XXYLT1: variants seen among roughly 807,000 people sequenced by gnomAD.
XXYLT1 encodes xyloside xylosyltransferase 1.
In XXYLT1, 20 loss-of-function variants were observed where a neutral mutation model predicts 28.9. The observed-to-expected ratio is 0.69, with a 90% CI of 0.49 to 1.00. XXYLT1 has a LOEUF of 1.00. Ranked by LOEUF, XXYLT1 falls within the 50% of genes least tolerant of loss-of-function variation. The probability of loss-of-function intolerance (pLI) is 0.00; values close to 1 mark genes in which losing one functional copy is unlikely to be tolerated. For synonymous variants in XXYLT1, 257 were observed against 253.8 expected (o/e 1.01, Z -0.12); for missense variants, 542 against 560.1 (o/e 0.97, Z 0.33).
At position 195,078,748 on chromosome 3, in the gene XXYLT1, A is replaced by G. The variant is rs1027080742; in HGVS notation, c.786-8637T>C. ...CCCAGGGCTGCACACAGCCCCCCAC[A>G]CTTCCAGAGCTGTCCTCCCCACCTC... On this transcript the variant is annotated intron_variant, in intron 3 of 3. Coordinates refer to ENST00000310380, the MANE Select transcript of XXYLT1 (RefSeq NM_152531.5). The surrounding 1 kb of genome is among the most constrained non-coding windows in gnomAD (Gnocchi z 5.0). 6.6e-6 allele frequency among the ~76,000 whole-genome samples: 1 copy of G among 151,714 alleles called. No individual in the cohort carries two copies. The highest frequency in any genetic ancestry group is 6.6e-5 in the Admixed American group (1 of 15,228).
At chr3:195,235,432 ATTTC>A (rs1724493820) in intron 1 of XXYLT1, among the ~76,000 whole-genome samples, 1 of 152,120 alleles carries the variant, frequency 6.6e-6, no homozygotes. Context: ...GCTATCTTGA[ATTTC>A]TTTGAGTTTC....
At position 195,210,922 on chromosome 3, in the gene XXYLT1, C is replaced by T. The variant is rs1417864426; in HGVS notation, c.652+15787G>A. Among the ~76,000 whole-genome samples the T allele has an allele frequency of 6.6e-6, 1 of 152,174 alleles. No individual in the cohort carries two copies. Among genetic ancestry groups the T allele is most frequent in the African/African-American group, 2.4e-5 (1 of 41,436 alleles). On this transcript the variant is annotated intron_variant, in intron 2 of 3. Coordinates refer to ENST00000310380, the MANE Select transcript of XXYLT1 (RefSeq NM_152531.5). This position sits in a 1 kb window ranked among gnomAD's most constrained non-coding sequence, Gnocchi z 4.8. ...CCAGCTGAACGCTGACAGTCAAGGG[C>T]AGCACCCGCCACAGCAGGAATCAGA...
intron 3 of XXYLT1, among the ~76,000 whole-genome samples, chr3:195,155,806 T>C (rs982969081): frequency 3.3e-5 from 5 of 152,250 alleles, no homozygotes; most frequent in African/African-American, 9.6e-5. Context: ...TGTTGCTGTA[T>C]AGCACTCAAC....
Position 195,172,989 on chromosome 3 carries a change from G to A in XXYLT1, c.653-16408C>T, listed in dbSNP as rs377103695. 9.2e-5 allele frequency among the ~76,000 whole-genome samples: 14 copies of A among 152,284 alleles called. 1 individual carries two copies. Among genetic ancestry groups the A allele is most frequent in the South Asian group, 8.3e-4 (4 of 4,826 alleles). ...GAGAGCTAGGTGGACACACCTGATC[G>A]GGTGAGGGGCTTTAGGCATTAGAGA... On this transcript the variant is annotated intron_variant, in intron 2 of 3. Coordinates refer to ENST00000310380, the MANE Select transcript of XXYLT1 (RefSeq NM_152531.5).
intron 1 of XXYLT1, among the ~76,000 whole-genome samples, chr3:195,245,799 G>A (rs542593574): frequency 6.6e-6 from 1 of 152,252 alleles, no homozygotes; most frequent in South Asian, 2.1e-4. Flanking sequence ...GTAGAAAGAA[G>A]TGTGTGGCAC....
chr3:195,269,271 G>A (rs907015810), intron 1 of XXYLT1, among the ~76,000 whole-genome samples: 8 of 152,246 alleles, frequency 5.3e-5, no homozygotes, highest in African/African-American at 9.6e-5. Context: ...GTTTTCTACC[G>A]TGAACTAGTG....
At chr3:195,213,015 G>C (rs1217771306) in intron 2 of XXYLT1, among the ~76,000 whole-genome samples, 1 of 152,134 alleles carries the variant, frequency 6.6e-6, no homozygotes, top group Non-Finnish European at 1.5e-5. Flanking sequence ...TCCACGGAAA[G>C]TCCTCCCAAT....
intron 3 of XXYLT1, among the ~76,000 whole-genome samples, chr3:195,151,490 A>G (rs968393006): frequency 2.0e-5 from 3 of 152,186 alleles, no homozygotes; most frequent in Non-Finnish European, 4.4e-5. Flanking sequence ...AGGTTGTGCC[A>G]CTGCACTCCA....
rs1046278979 is a variant in XXYLT1 at position 195,176,580 on chromosome 3, C to T, written c.653-19999G>A. Among the ~76,000 whole-genome samples, 1 of 152,284 alleles carries T rather than the reference C, an allele frequency of 6.6e-6. No individual in the cohort carries two copies. Among genetic ancestry groups the T allele is most frequent in the East Asian group, 1.9e-4 (1 of 5,194 alleles). On this transcript the variant is annotated intron_variant, in intron 2 of 3. Transcript: ENST00000310380. The surrounding 1 kb of genome is among the most constrained non-coding windows in gnomAD (Gnocchi z 4.9). ...CACTGGTATAATTTGATTAATTTAT[C>T]GTGTTTATTAAGCTCCCTAGCTTCT...
Position 195,252,717 on chromosome 3 carries a change from C to CAGAGAGAGAGAG in XXYLT1, c.504+17837_504+17838insCTCTCTCTCTCT, listed in dbSNP as rs1309512804. On this transcript the variant is annotated intron_variant, in intron 1 of 3. Transcript: ENST00000310380. ...CCACACACACACACACACACACACA[C>CAGAGAGAGAGAG]ACACACACACAGAGAGAGAGAGAGA... Among the ~76,000 whole-genome samples the CAGAGAGAGAGAG allele has an allele frequency of 3.1e-4, 43 of 139,544 alleles. 1 individual carries two copies. The highest frequency in any genetic ancestry group is 1.3e-3 in the African/African-American group (41 of 32,324). 91.5% of individuals were successfully genotyped at this position (139,544 alleles called of 152,430 possible). A position where few individuals can be genotyped will look rare whatever the true frequency, so the allele number is the denominator to read the frequency against.
chr3:195,216,071 T>C (rs535281008), intron 2 of XXYLT1, among the ~76,000 whole-genome samples: 1 of 151,944 alleles, frequency 6.6e-6, no homozygotes, highest in South Asian at 2.1e-4. Flanking sequence ...CCTGAATGAC[T>C]ACTGGGTACA....
chr3:195,208,015 A>G (rs2108774593), intron 2 of XXYLT1, among the ~76,000 whole-genome samples: 1 of 152,346 alleles, frequency 6.6e-6, no homozygotes, highest in East Asian at 1.9e-4. Context: ...ACACAGTCCC[A>G]GAGTGACAGG....
At chr3:195,106,221 T>TG (rs1717073131) in intron 3 of XXYLT1, among the ~76,000 whole-genome samples, 1 of 152,238 alleles carries the variant, frequency 6.6e-6, no homozygotes, top group South Asian at 2.1e-4. Context: ...TCACTAGTGT[T>TG]CTCGACGGAG....
chr3:195,143,827 TATAG>T (rs1296273648), intron 3 of XXYLT1, among the ~76,000 whole-genome samples: 2 of 82,412 alleles, frequency 2.4e-5, no homozygotes, highest in Non-Finnish European at 4.8e-5. Context: ...TATAGATATA[TATAG>T]ATATAGATAT....
chr3:195,260,568 A>T (rs1725662810), intron 1 of XXYLT1, among the ~76,000 whole-genome samples: 1 of 152,226 alleles, frequency 6.6e-6, no homozygotes, highest in Admixed American at 6.5e-5. Flanking sequence ...GGAGGAGACA[A>T]GGAGGCGAAG....
intron 2 of XXYLT1, among the ~76,000 whole-genome samples, chr3:195,166,518 C>T (rs1028255649): frequency 6.6e-6 from 1 of 152,212 alleles, no homozygotes; most frequent in African/African-American, 2.4e-5. Flanking sequence ...ACTATTTCAT[C>T]CACAGTCCCA....
chr3:195,166,686 T>G (rs1446673945), intron 2 of XXYLT1, among the ~76,000 whole-genome samples: 2 of 152,108 alleles, frequency 1.3e-5, no homozygotes. Flanking sequence ...TTTTTTTTAT[T>G]GATTTATTGA....
In XXYLT1 at chr3:195,255,180, C is replaced by A. The variant is rs1374476410; in HGVS notation, c.504+15375G>T. ...CCCTCAGCAAGGAGCTTCAGTCGGA[C>A]TAAACCAGCAGAAAAGGCGGTTTCC... On this transcript the variant is annotated intron_variant, in intron 1 of 3. Transcript: ENST00000310380. The surrounding 1 kb of genome is among the most constrained non-coding windows in gnomAD (Gnocchi z 4.5). 1.3e-5 allele frequency among the ~76,000 whole-genome samples: 2 copies of A among 152,224 alleles called. No individual in the cohort carries two copies. The highest frequency in any genetic ancestry group is 1.3e-4 in the Admixed American group (2 of 15,286).
At chr3:195,175,619 G>A (rs573568412) in intron 2 of XXYLT1, 76 of 1,536,162 alleles carry the variant, frequency 4.9e-5, no homozygotes, top group African/African-American at 3.1e-4. Flanking sequence ...AACAGACATC[G>A]CTAGTGCTCA....
Sources: allele counts gnomAD v4.1 joint callset (sites outside exome capture counted in the v4.1 genomes callset), GRCh38; gene constraint gnomAD v4.1.1; non-coding constraint Gnocchi (gnomAD v3.1); transcripts MANE v1.5; gene names NCBI Gene and HGNC (gene_info 2026-07-23, HGNC 2026-07-21).